The following NAV2 variants were observed in gnomAD, a reference collection of about 807,000 sequenced individuals.
NAV2 encodes neuron navigator 2, also known as helicase, APC down-regulated 1.
NAV2 carries 54 observed loss-of-function variants against 223.2 expected under a neutral mutation model. That is an observed-to-expected ratio of 0.24 (90% CI 0.19 to 0.30). The LOEUF (loss-of-function observed/expected upper bound fraction) is 0.30. NAV2 is among the 10% of genes least tolerant of loss of function. NAV2 has a pLI of 1.00. For synonymous variants in NAV2, 1,279 were observed against 1,239.3 expected (o/e 1.03, Z -0.67); for missense variants, 2,806 against 3,147.5 (o/e 0.89, Z 2.60).
intron 12 of NAV2, among the ~76,000 whole-genome samples, chr11:20,041,888 A>G (rs184300105): frequency 1.3e-5 from 2 of 152,200 alleles, no homozygotes; most frequent in East Asian, 3.9e-4. Context: ...TACCCACCTC[A>G]TTGTCATCTA....
Position 19,451,462 on chromosome 11 carries a change from C to T in NAV2, c.75+100435C>T, listed in dbSNP as rs533058622. Among the ~76,000 whole-genome samples the T allele has an allele frequency of 2.4e-4, 37 of 152,292 alleles. No individual in the cohort carries two copies. The South Asian group carries it at 7.7e-3, about 32-fold the overall frequency. On this transcript the variant is annotated intron_variant, in intron 1 of 37. Transcript: ENST00000360655. ...CTTCCCTGCATCCTTTCCTTCTTTC[C>T]AACAGATATTTATTGAGGACCTACT...
intron 11 of NAV2, among the ~76,000 whole-genome samples, chr11:20,008,323 A>G (rs989007727): frequency 6.6e-6 from 1 of 152,112 alleles, no homozygotes; most frequent in East Asian, 1.9e-4. Context: ...GCACCACTGT[A>G]CTCCAGCCTA....
intron 20 of NAV2, among the ~76,000 whole-genome samples, chr11:20,064,546 A>G (rs949487230): frequency 6.6e-6 from 1 of 152,200 alleles, no homozygotes. Context: ...TTGGAGGGAA[A>G]GAGCTTAAGC....
intron 25 of NAV2, among the ~76,000 whole-genome samples, 173 bp downstream of exon 25, chr11:20,080,382 C>G (rs569159177): frequency 4.6e-5 from 7 of 152,186 alleles, no homozygotes; most frequent in Non-Finnish European, 7.3e-5. Flanking sequence ...CAATATTGTA[C>G]TCAGCAAAAC....
At chr11:19,593,793 G>A (rs113195543) in intron 1 of NAV2, among the ~76,000 whole-genome samples, 1 of 152,042 alleles carries the variant, frequency 6.6e-6, no homozygotes, top group African/African-American at 2.4e-5. Context: ...CTAATAGCTG[G>A]TGATGTTGAA....
intron 10 of NAV2, among the ~76,000 whole-genome samples, chr11:19,974,944 G>C (rs1391870578): frequency 6.6e-6 from 1 of 152,204 alleles, no homozygotes; most frequent in Non-Finnish European, 1.5e-5. Flanking sequence ...CTGAGGCCTT[G>C]GAATAAGCAT....
At position 19,842,929 on chromosome 11, in the gene NAV2, T is replaced by C. The variant is rs761307748; in HGVS notation, c.438+6T>C. The C allele has an allele frequency of 6.8e-6, 11 of 1,613,274 alleles. No homozygotes were observed. In the Admixed American group the frequency reaches 1.5e-4, roughly 22 times the overall value. ...CGAAGAACAGATCCCAAATGGTAAGTGGTGCATAGGTAGTAAATGTTTGAG... is the reference window on the plus strand; with the variant it reads ...CGAAGAACAGATCCCAAATGGTAAGCGGTGCATAGGTAGTAAATGTTTGAG... On this transcript the variant is annotated splice_donor_region_variant and intron_variant, in intron 3 of 37. Coordinates refer to ENST00000349880, the MANE Select transcript of NAV2 (RefSeq NM_145117.5).
chr11:19,998,351 C>CT lies in NAV2; in HGVS notation c.2768+14105dup, dbSNP rs2153478819. Among the ~76,000 whole-genome samples, 3 of 152,172 alleles carry CT rather than the reference C, an allele frequency of 2.0e-5. No homozygotes were observed. The highest frequency in any genetic ancestry group is 7.2e-5 in the African/African-American group (3 of 41,524). On this transcript the variant is annotated intron_variant, in intron 11 of 37. Coordinates refer to ENST00000349880, the MANE Select transcript of NAV2 (RefSeq NM_145117.5). This position sits in a 1 kb window ranked among gnomAD's most constrained non-coding sequence, Gnocchi z 5.0. The stretch of plus-strand genomic sequence containing the variant: ...GTGCAGGGGTCTAGGCTGCCGTCCT[C>CT]TCTCATCTGAGCTCTCCCACTGCAG...
chr11:19,826,277 C>T (rs552943734), intron 1 of NAV2, among the ~76,000 whole-genome samples: 9 of 152,288 alleles, frequency 5.9e-5, no homozygotes, highest in Non-Finnish European at 1.0e-4. Flanking sequence ...GAAAAAGCAA[C>T]AGCAGCCCTC....
chr11:19,416,813 T>C (rs894344003), intron 1 of NAV2, among the ~76,000 whole-genome samples: 1 of 152,194 alleles, frequency 6.6e-6, no homozygotes, highest in African/African-American at 2.4e-5. Context: ...CCACCTGATC[T>C]TTGACAAACC....
chr11:19,353,018 G>C (rs1318886093), intron 1 of NAV2, among the ~76,000 whole-genome samples: 1 of 152,092 alleles, frequency 6.6e-6, no homozygotes. Flanking sequence ...GCTGAAAGGC[G>C]ACTCTACAGT....
chr11:19,513,535 C>T (rs1441137519), intron 1 of NAV2, among the ~76,000 whole-genome samples: 2 of 152,052 alleles, frequency 1.3e-5, no homozygotes, highest in Non-Finnish European at 2.9e-5. Flanking sequence ...TGTAGACAGT[C>T]ATGGGCCCTG....
At chr11:19,456,741 G>C (rs903121393) in intron 1 of NAV2, among the ~76,000 whole-genome samples, 11 of 152,178 alleles carry the variant, frequency 7.2e-5, no homozygotes, top group African/African-American at 2.2e-4. Context: ...TTGAACCCAG[G>C]TCGTCTGACC....
chr11:19,820,388 C>T (rs1381253621), intron 1 of NAV2, among the ~76,000 whole-genome samples: 1 of 152,218 alleles, frequency 6.6e-6, no homozygotes, highest in Non-Finnish European at 1.5e-5. Flanking sequence ...AGGGCTCTGA[C>T]ATTTGGCTTT....
intron 1 of NAV2, among the ~76,000 whole-genome samples, chr11:19,454,452 G>A (rs1047611784): frequency 2.0e-5 from 3 of 152,176 alleles, no homozygotes; most frequent in Non-Finnish European, 4.4e-5. Flanking sequence ...GAGCATTGGA[G>A]GTTAATGTTA....
intron 1 of NAV2, among the ~76,000 whole-genome samples, chr11:19,545,697 G>A (rs1272942517): frequency 6.6e-6 from 1 of 152,158 alleles, no homozygotes; most frequent in Non-Finnish European, 1.5e-5. Flanking sequence ...GCGGCCCAGG[G>A]TGGCTTTAAA....
chr11:19,595,295 A>G (rs1258353761), intron 1 of NAV2, among the ~76,000 whole-genome samples: 1 of 152,198 alleles, frequency 6.6e-6, no homozygotes, highest in Non-Finnish European at 1.5e-5. Flanking sequence ...AGAAAGACTC[A>G]GGAAGGCATT....
At chr11:19,864,356 G>A (rs958736640) in intron 3 of NAV2, among the ~76,000 whole-genome samples, 4 of 152,092 alleles carry the variant, frequency 2.6e-5, no homozygotes, top group African/African-American at 7.2e-5. Context: ...ACTGGTATTC[G>A]GAGAAAAATG....
chr11:19,422,471 G>A (rs760522025), intron 1 of NAV2, among the ~76,000 whole-genome samples: 9 of 152,296 alleles, frequency 5.9e-5, no homozygotes, highest in Admixed American at 1.3e-4. Context: ...CCTCTGTGAC[G>A]CCAAACCCAG....
Sources: allele counts gnomAD v4.1 joint callset (sites outside exome capture counted in the v4.1 genomes callset), GRCh38; gene constraint gnomAD v4.1.1; non-coding constraint Gnocchi (gnomAD v3.1); transcripts MANE v1.5; gene names NCBI Gene and HGNC (gene_info 2026-07-23, HGNC 2026-07-21).